CCDC85A: variants seen among roughly 807,000 people sequenced by gnomAD.
The protein encoded by CCDC85A is coiled-coil domain-containing protein 85A.
A neutral mutation model predicts 50.2 loss-of-function variants in CCDC85A; 38 were observed. The observed-to-expected ratio is 0.76, with a 90% CI of 0.58 to 0.99. The LOEUF (loss-of-function observed/expected upper bound fraction) is 0.99. Ranked by LOEUF, CCDC85A falls within the 50% of genes least tolerant of loss-of-function variation. The pLI is 0.00. For synonymous variants in CCDC85A, 366 were observed against 301.4 expected, an observed-to-expected ratio of 1.21 and a Z score of -2.22; for missense variants, 820 against 742.0, an observed-to-expected ratio of 1.11 and a Z score of -1.22.
chr2:56,372,459 G>A lies in CCDC85A; in HGVS notation c.1433G>A (p.Arg478Gln), dbSNP rs757108330. The change falls in exon 4 of 6, where the codon CGA becomes CAA. Residue 478 changes from arginine to glutamine, a missense_variant. Transcript: ENST00000407595. ...TGGCAAGGGTGCCGAGGAATAGGAC[G>A]ATGCCTGCCTACTCTCCCGGTGAGT... Reference protein sequence around the residue: ...QWWQGCRGIGRCLPTLPGSFR... With the variant: ...QWWQGCRGIGQCLPTLPGSFR... The A allele has an allele frequency of 8.7e-6, 14 of 1,608,426 alleles. No individual in the cohort carries two copies. The highest frequency in any genetic ancestry group is 1.1e-5 in the South Asian group (1 of 89,858).
At chr2:56,231,773 G>A (rs1200812129) in intron 2 of CCDC85A, among the ~76,000 whole-genome samples, 1 of 152,064 alleles carries the variant, frequency 6.6e-6, no homozygotes, top group East Asian at 1.9e-4. Context: ...ACTTTATCAG[G>A]GATGTTTGTA....
intron 2 of CCDC85A, among the ~76,000 whole-genome samples, chr2:56,274,423 C>G: frequency 6.6e-6 from 1 of 152,154 alleles, no homozygotes; most frequent in South Asian, 2.1e-4. Flanking sequence ...GTTTTAAGTT[C>G]AAAATCCACA....
At chr2:56,363,114 T>C (rs1318231812) in intron 3 of CCDC85A, among the ~76,000 whole-genome samples, 1 of 152,252 alleles carries the variant, frequency 6.6e-6, no homozygotes, top group Non-Finnish European at 1.5e-5. Flanking sequence ...CGTATTTTTT[T>C]TATAAGAAGG....
chr2:56,366,668 A>C (rs1483554940), intron 3 of CCDC85A, among the ~76,000 whole-genome samples: 1 of 152,166 alleles, frequency 6.6e-6, no homozygotes, highest in Non-Finnish European at 1.5e-5. Context: ...AGGAACTCAC[A>C]TTAGCCAGTT....
chr2:56,356,661 G>A (rs946990481), intron 3 of CCDC85A, among the ~76,000 whole-genome samples: 1 of 149,958 alleles, frequency 6.7e-6, no homozygotes, highest in African/African-American at 2.5e-5. Flanking sequence ...GGATGCAGAG[G>A]TTGCAGTGAG....
At chr2:56,363,507 C>G (rs1675639049) in intron 3 of CCDC85A, among the ~76,000 whole-genome samples, 1 of 152,156 alleles carries the variant, frequency 6.6e-6, no homozygotes, top group Non-Finnish European at 1.5e-5. Context: ...AAGAAGCTGA[C>G]TCTTCTTGCT....
rs1444599997 is a variant in CCDC85A, at chr2:56,332,739, A to C, written c.1241-10140A>C. 2.3e-5 allele frequency among the ~76,000 whole-genome samples: 3 copies of C among 131,340 alleles called. No individual in the cohort carries two copies. In the East Asian group the frequency reaches 7.0e-4, roughly 30 times the overall value. The allele number at this position is 131,340 out of a possible 152,430, so 86.2% of individuals were successfully genotyped here. A position where few individuals can be genotyped will look rare whatever the true frequency, so the allele number is the denominator to read the frequency against. ...CTCTACCTTTTTGAGCCTGGTGAACACTTAAGACTTTTTATTGAAATTACC... is the reference window on the plus strand; with the variant it reads ...CTCTACCTTTTTGAGCCTGGTGAACCCTTAAGACTTTTTATTGAAATTACC... On this transcript the variant is annotated intron_variant, in intron 2 of 5. Transcript: ENST00000407595.
intron 1 of CCDC85A, among the ~76,000 whole-genome samples, chr2:56,187,962 G>C (rs1366245173): frequency 6.6e-6 from 1 of 152,062 alleles, no homozygotes; most frequent in African/African-American, 2.4e-5. Flanking sequence ...CCCAACCACC[G>C]ACCCGCCCAC....
chr2:56,317,494 AAAATT>A (rs1294188594), intron 2 of CCDC85A, among the ~76,000 whole-genome samples: 1 of 152,120 alleles, frequency 6.6e-6, no homozygotes, highest in African/African-American at 2.4e-5. Context: ...AGCTAAGTGG[AAAATT>A]AAACACTTAA....
At chr2:56,244,967 TC>T (rs1406080792) in intron 2 of CCDC85A, among the ~76,000 whole-genome samples, 6 of 151,918 alleles carry the variant, frequency 3.9e-5, no homozygotes, top group African/African-American at 1.4e-4. Context: ...TGTTTACTCT[TC>T]CTTCTCCTCT....
intron 2 of CCDC85A, among the ~76,000 whole-genome samples, chr2:56,258,182 G>A (rs1358550648): frequency 6.6e-6 from 1 of 152,128 alleles, no homozygotes; most frequent in East Asian, 1.9e-4. Flanking sequence ...AGAGGTGGGG[G>A]AGGCCATGGA....
At chr2:56,300,932 C>T (rs1486778793) in intron 2 of CCDC85A, among the ~76,000 whole-genome samples, 2 of 152,158 alleles carry the variant, frequency 1.3e-5, no homozygotes, top group Non-Finnish European at 2.9e-5. Flanking sequence ...CCTACAAACA[C>T]AAACTCCGAA....
intron 2 of CCDC85A, among the ~76,000 whole-genome samples, chr2:56,193,698 A>T (rs2103829129): frequency 6.6e-6 from 1 of 152,286 alleles, no homozygotes; most frequent in African/African-American, 2.4e-5. Flanking sequence ...GTAATTCCTT[A>T]GGACCTTGAG....
At chr2:56,359,561 G>T (rs1675421826) in intron 3 of CCDC85A, among the ~76,000 whole-genome samples, 1 of 152,136 alleles carries the variant, frequency 6.6e-6, no homozygotes, top group South Asian at 2.1e-4. Flanking sequence ...CACATAGGCA[G>T]CAGCTTGGAA....
At chr2:56,344,911 G>T (rs989559950) in intron 3 of CCDC85A, among the ~76,000 whole-genome samples, 2 of 146,962 alleles carry the variant, frequency 1.4e-5, no homozygotes, top group Non-Finnish European at 3.0e-5. Flanking sequence ...CAAACTAATA[G>T]CATGTATGCC....
chr2:56,323,034 T>A (rs1355578424), intron 2 of CCDC85A, among the ~76,000 whole-genome samples: 1 of 152,044 alleles, frequency 6.6e-6, no homozygotes, highest in African/African-American at 2.4e-5. Flanking sequence ...ATGAGCAAAC[T>A]GTTGCAAGGA....
intron 2 of CCDC85A, among the ~76,000 whole-genome samples, chr2:56,293,971 A>G (rs1281009066): frequency 6.6e-6 from 1 of 152,212 alleles, no homozygotes; most frequent in African/African-American, 2.4e-5. Flanking sequence ...ACCCAAAGGA[A>G]TATAAATCAT....
chr2:56,303,335 A>G (rs185378933), intron 2 of CCDC85A, among the ~76,000 whole-genome samples: 3 of 152,326 alleles, frequency 2.0e-5, no homozygotes, highest in African/African-American at 7.2e-5. Flanking sequence ...TCAAAAAGAC[A>G]TAATACTGGA....
chr2:56,200,844 G>C (rs1676703481), intron 2 of CCDC85A, among the ~76,000 whole-genome samples: 1 of 152,036 alleles, frequency 6.6e-6, no homozygotes, highest in Non-Finnish European at 1.5e-5. Context: ...AAGAATACAA[G>C]AAGTCTTGGG....
Sources: allele counts gnomAD v4.1 joint callset (sites outside exome capture counted in the v4.1 genomes callset), GRCh38; gene constraint gnomAD v4.1.1; transcripts MANE v1.5; gene names NCBI Gene and HGNC (gene_info 2026-07-23, HGNC 2026-07-21).